Variants in UVRAG observed in about 807,000 individuals in gnomAD.
The protein encoded by UVRAG is UV radiation resistance-associated gene protein.
UVRAG carries 19 observed loss-of-function variants against 78.0 expected under a neutral mutation model. The ratio of observed to expected loss-of-function variants is 0.24; its 90% CI spans 0.17 to 0.36. The LOEUF (loss-of-function observed/expected upper bound fraction) is 0.36, where lower values mean the gene tolerates loss of function less well. UVRAG is among the 10% of genes least tolerant of loss of function. The pLI is 1.00. For missense variants in UVRAG, 740 were observed against 853.8 expected, an observed-to-expected ratio of 0.87 and a Z score of 1.66; for synonymous variants, 323 against 324.6, an observed-to-expected ratio of 1.00 and a Z score of 0.05.
At chr11:75,983,612 A>G (rs754497816) in intron 8 of UVRAG, 99 bp downstream of exon 8, 104 of 1,398,176 alleles carry the variant, frequency 7.4e-5, no homozygotes, top group Non-Finnish European at 9.0e-5. Flanking sequence ...GTGTAAATAC[A>G]GTCACACATC....
rs180960617 is a variant in UVRAG, at chr11:76,136,274, C to A, written c.1398-4437C>A. On this transcript the variant is annotated intron_variant, in intron 14 of 14. Coordinates refer to ENST00000356136, the MANE Select transcript of UVRAG (RefSeq NM_003369.4). ...AAATCAAAATTATTTTATTAAAAAT[C>A]TATGCATTATGTTTTTATACGAGAT... Among the ~76,000 whole-genome samples, 335 of 152,094 alleles carry A rather than the reference C, an allele frequency of 2.2e-3. 2 individuals carry two copies. Among genetic ancestry groups the A allele is most frequent in the African/African-American group, 7.4e-3 (307 of 41,504 alleles).
chr11:75,879,263 C>T (rs1194502107), intron 3 of UVRAG, among the ~76,000 whole-genome samples: 1 of 152,176 alleles, frequency 6.6e-6, no homozygotes, highest in Non-Finnish European at 1.5e-5. Context: ...GTATTGTGTG[C>T]TCCAGCAGTA....
intron 6 of UVRAG, among the ~76,000 whole-genome samples, chr11:75,944,917 T>C (rs940748255): frequency 1.3e-5 from 2 of 152,080 alleles, no homozygotes; most frequent in Non-Finnish European, 2.9e-5. Flanking sequence ...ACAGAACCTT[T>C]AGTCAGTAGT....
chr11:76,076,162 C>T (rs1951400272), intron 13 of UVRAG, among the ~76,000 whole-genome samples: 1 of 152,078 alleles, frequency 6.6e-6, no homozygotes, highest in Admixed American at 6.5e-5. Flanking sequence ...TGAGGAATTG[C>T]CAGACTGTTT....
intron 5 of UVRAG, among the ~76,000 whole-genome samples, chr11:75,906,702 A>G (rs993044918): frequency 6.6e-6 from 1 of 152,234 alleles, no homozygotes; most frequent in African/African-American, 2.4e-5. Context: ...ATTTAAAAAT[A>G]TGGTATTAAG....
intron 14 of UVRAG, among the ~76,000 whole-genome samples, chr11:76,132,057 T>G (rs1952521651): frequency 6.6e-6 from 1 of 152,270 alleles, no homozygotes; most frequent in South Asian, 2.1e-4. Flanking sequence ...AACCCGCTTT[T>G]GGCACTCTGT....
intron 13 of UVRAG, among the ~76,000 whole-genome samples, chr11:76,090,121 T>C (rs1205327542): frequency 6.6e-6 from 1 of 152,148 alleles, no homozygotes; most frequent in Non-Finnish European, 1.5e-5. Context: ...CATTTTTATG[T>C]TTCAAATGCA....
intron 14 of UVRAG, among the ~76,000 whole-genome samples, chr11:76,126,702 C>T (rs967528814): frequency 6.6e-6 from 1 of 152,124 alleles, no homozygotes; most frequent in Non-Finnish European, 1.5e-5. Context: ...CTTTTGCACA[C>T]AACTAATTAA....
chr11:76,084,190 G>A (rs1951544689), intron 13 of UVRAG, among the ~76,000 whole-genome samples: 1 of 152,144 alleles, frequency 6.6e-6, no homozygotes, highest in South Asian at 2.1e-4. Flanking sequence ...TGATGTGAGT[G>A]GATATATTTC....
Position 76,016,951 on chromosome 11 carries a change from C to A in UVRAG, c.1197C>A (p.Ile399=). 1 of 1,604,358 alleles carries A rather than the reference C, an allele frequency of 6.2e-7. No individual in the cohort carries two copies. The change falls in exon 12 of 15, where the codon ATC becomes ATA. Residue 399 remains isoleucine, a synonymous_variant. Transcript: ENST00000356136. ...CTAGATCAACAATCAAAGACAATAT[C>A]AATGACAAACTGACGGAAAAGGAGA... ...KGSRSTIKDN[I]NDKLTEKERE...
In UVRAG at chr11:76,003,029, C is replaced by T. The variant is rs369366965; in HGVS notation, c.827-976C>T. On this transcript the variant is annotated intron_variant, in intron 8 of 14. Coordinates refer to ENST00000356136, the MANE Select transcript of UVRAG (RefSeq NM_003369.4). ...GGAAGTTGAGGCTACATTTAGCTGTCATCATGCCACTGTATTCCAGCTTGG... is the reference window on the plus strand; with the variant it reads ...GGAAGTTGAGGCTACATTTAGCTGTTATCATGCCACTGTATTCCAGCTTGG... Among the ~76,000 whole-genome samples, 8 of 151,866 alleles carry T rather than the reference C, an allele frequency of 5.3e-5. No homozygotes were observed. In the South Asian group the frequency reaches 1.7e-3, roughly 32 times the overall value.
At chr11:75,936,826 G>A (rs1006976098) in intron 6 of UVRAG, among the ~76,000 whole-genome samples, 2 of 151,928 alleles carry the variant, frequency 1.3e-5, no homozygotes, top group South Asian at 2.1e-4. Flanking sequence ...CCAGGCTGGC[G>A]TGCAATGGCC....
intron 13 of UVRAG, among the ~76,000 whole-genome samples, chr11:76,077,233 A>G (rs1196342905): frequency 6.6e-6 from 1 of 151,008 alleles, no homozygotes; most frequent in Non-Finnish European, 1.5e-5. Context: ...AAAAAATTAT[A>G]TTTATTTATA....
At position 75,943,682 on chromosome 11, in the gene UVRAG, A is replaced by G. The variant is rs1237372994; in HGVS notation, c.594-17762A>G. Among the ~76,000 whole-genome samples the G allele has an allele frequency of 4.6e-5, 7 of 152,258 alleles. No homozygotes were observed. The East Asian group carries it at 1.4e-3, about 29-fold the overall frequency. On this transcript the variant is annotated intron_variant, in intron 6 of 14. Transcript: ENST00000356136. ...TGCATATCCTGGTTAGACTTGATGC[A>G]CTAATTATCACATGCTTTCACACCA...
chr11:75,879,982 A>T lies in UVRAG; in HGVS notation c.374A>T (p.Tyr125Phe), dbSNP rs749559634. ...VKIWGGKENIYQLLIEWKVCL... is the reference protein window; with the variant it reads ...VKIWGGKENIFQLLIEWKVCL... ...ATATGGGGTGGAAAGGAGAACATCT[A>T]CCAGCTGTTGATTGAATGGAAAGTC... The change falls in exon 4 of 15, where the codon TAC (tyrosine) becomes TTC (phenylalanine). Residue 125 changes from tyrosine (Y) to phenylalanine (F), a missense_variant. Physicochemically the swap from Tyr to Phe is conservative, Grantham distance 22 (BLOSUM62 3). Transcript: ENST00000356136. 5.0e-6 allele frequency: 8 copies of T among 1,614,052 alleles called. No homozygotes were observed. The highest frequency in any genetic ancestry group is 6.8e-6 in the Non-Finnish European group (8 of 1,180,016).
intron 2 of UVRAG, among the ~76,000 whole-genome samples, chr11:75,858,888 A>G (rs146838524): frequency 3.9e-5 from 6 of 152,352 alleles, no homozygotes; most frequent in Non-Finnish European, 8.8e-5. Flanking sequence ...CACCATATCT[A>G]TGAGTATTAG....
At chr11:75,981,270 C>T (rs1327244975) in intron 7 of UVRAG, among the ~76,000 whole-genome samples, 2 of 151,898 alleles carry the variant, frequency 1.3e-5, no homozygotes, top group Non-Finnish European at 2.9e-5. Context: ...CACTACCGTG[C>T]CCGGCTAATT....
At chr11:76,051,814 T>C (rs1341487596) in intron 12 of UVRAG, among the ~76,000 whole-genome samples, 1 of 152,202 alleles carries the variant, frequency 6.6e-6, no homozygotes, top group Non-Finnish European at 1.5e-5. Flanking sequence ...TTTTCTCTTT[T>C]TTCTTCCCCC....
intron 6 of UVRAG, among the ~76,000 whole-genome samples, chr11:75,950,751 T>C (rs1948676469): frequency 6.6e-6 from 1 of 152,202 alleles, no homozygotes; most frequent in East Asian, 1.9e-4. Context: ...TATAATAGGC[T>C]TGTAGTAGTG....
Sources: allele counts gnomAD v4.1 joint callset (sites outside exome capture counted in the v4.1 genomes callset), GRCh38; gene constraint gnomAD v4.1.1; transcripts MANE v1.5; gene names NCBI Gene and HGNC (gene_info 2026-07-23, HGNC 2026-07-21).